The following TENT4B variants were observed in gnomAD, a reference collection of about 807,000 sequenced individuals.
TENT4B encodes terminal nucleotidyltransferase 4B.
Under a neutral mutation model 75.0 loss-of-function variants are expected in TENT4B, and 10 were observed. That is an observed-to-expected ratio of 0.13 (90% CI 0.08 to 0.23). TENT4B has a LOEUF of 0.23. Among genes scored for constraint, TENT4B ranks in the 10% least tolerant of loss-of-function variants. TENT4B has a pLI of 1.00. For missense variants in TENT4B, 579 were observed against 893.8 expected (o/e 0.65, Z 4.49); for synonymous variants, 350 against 357.7 (o/e 0.98, Z 0.24).
chr16:50,209,620 A>G (rs2031173073), intron 1 of TENT4B, among the ~76,000 whole-genome samples: 2 of 152,092 alleles, frequency 1.3e-5, no homozygotes, highest in South Asian at 4.1e-4. Flanking sequence ...ATCATCCTCT[A>G]CGAAAGGCCC....
At chr16:50,160,417 A>G (rs929413910) in intron 1 of TENT4B, among the ~76,000 whole-genome samples, 1 of 152,208 alleles carries the variant, frequency 6.6e-6, no homozygotes, top group Non-Finnish European at 1.5e-5. Context: ...GTCACACAAA[A>G]GGCTTACTAC....
intron 1 of TENT4B, among the ~76,000 whole-genome samples, chr16:50,194,688 C>A (rs1191787617): frequency 6.6e-6 from 1 of 151,800 alleles, no homozygotes; most frequent in Non-Finnish European, 1.5e-5. Flanking sequence ...CACCCCCACC[C>A]GCTCCTTTCC....
At chr16:50,159,243 TC>T (rs2037958733) in intron 1 of TENT4B, among the ~76,000 whole-genome samples, 1 of 122,746 alleles carries the variant, frequency 8.1e-6, no homozygotes, top group Admixed American at 1.0e-4. Context: ...TCTCTCTCTT[TC>T]TGTTTTTTTT....
chr16:50,195,814 A>G (rs2030195897), intron 1 of TENT4B, among the ~76,000 whole-genome samples: 1 of 152,248 alleles, frequency 6.6e-6, no homozygotes, highest in South Asian at 2.1e-4. Context: ...TGAGCTATAT[A>G]GTAGATCTCT....
At chr16:50,208,668 T>C (rs1034400456) in intron 1 of TENT4B, among the ~76,000 whole-genome samples, 2 of 152,206 alleles carry the variant, frequency 1.3e-5, no homozygotes, top group Non-Finnish European at 2.9e-5. Context: ...GCAAGGATCA[T>C]GTTTTATGAG....
intron 1 of TENT4B, among the ~76,000 whole-genome samples, chr16:50,209,945 G>C (rs6500301): frequency 0.97 from 148,321 of 152,298 alleles, 72,225 homozygotes; most frequent in East Asian, 1. Context: ...CCAGTTTTTC[G>C]AGCTTCCTGC....
At chr16:50,183,265 A>G (rs1259803546) in intron 1 of TENT4B, among the ~76,000 whole-genome samples, 1 of 151,756 alleles carries the variant, frequency 6.6e-6, no homozygotes, top group Non-Finnish European at 1.5e-5. Flanking sequence ...GCTGGTCTCA[A>G]ACTCCCGACC....
At chr16:50,159,526 C>T (rs1286456548) in intron 1 of TENT4B, among the ~76,000 whole-genome samples, 1 of 152,150 alleles carries the variant, frequency 6.6e-6, no homozygotes, top group Non-Finnish European at 1.5e-5. Flanking sequence ...AGGCATGAGC[C>T]ACCGCGCCCG....
chr16:50,221,268 A>G (rs1485163816), intron 5 of TENT4B, among the ~76,000 whole-genome samples: 1 of 152,192 alleles, frequency 6.6e-6, no homozygotes, highest in African/African-American at 2.4e-5. Flanking sequence ...GGAAATCACT[A>G]GTAATTTTAC....
At chr16:50,199,126 A>G (rs953871703) in intron 1 of TENT4B, among the ~76,000 whole-genome samples, 1 of 152,184 alleles carries the variant, frequency 6.6e-6, no homozygotes, top group Non-Finnish European at 1.5e-5. Flanking sequence ...CCAGGCTTCT[A>G]TTTTTATAGC....
At chr16:50,163,014 T>C (rs1361540229) in intron 1 of TENT4B, among the ~76,000 whole-genome samples, 3 of 152,194 alleles carry the variant, frequency 2.0e-5, no homozygotes, top group African/African-American at 7.2e-5. Context: ...TCTTCAAATC[T>C]ATCCTAGAAT....
Position 50,153,324 on chromosome 16 carries a change from C to T in TENT4B, c.-298C>T, listed in dbSNP as rs2037808255. ...GCTCGCTCTTCTGTGGAGCCGCCGC[C>T]GCCGCCGCCGCCATTTGCACGGGGA... On this transcript the variant is annotated 5_prime_UTR_variant, in exon 1 of 12. Coordinates refer to ENST00000561678, the MANE Select transcript of TENT4B (RefSeq NM_001365324.3). Among the ~76,000 whole-genome samples, 1 of 145,352 alleles carries T rather than the reference C, an allele frequency of 6.9e-6. No homozygotes were observed. The highest frequency in any genetic ancestry group is 1.5e-5 in the Non-Finnish European group (1 of 65,568).
intron 1 of TENT4B, among the ~76,000 whole-genome samples, chr16:50,154,541 C>A (rs1443625204): frequency 1.3e-5 from 2 of 151,838 alleles, no homozygotes; most frequent in Non-Finnish European, 2.9e-5. Context: ...AGGCCCCCCC[C>A]TTTATCCATT....
At chr16:50,193,085 C>G in intron 1 of TENT4B, among the ~76,000 whole-genome samples, 1 of 152,096 alleles carries the variant, frequency 6.6e-6, no homozygotes, top group East Asian at 1.9e-4. Flanking sequence ...TGAATGAATA[C>G]ATTATTAGCT....
At chr16:50,169,354 A>G (rs2038161888) in intron 1 of TENT4B, among the ~76,000 whole-genome samples, 2 of 138,056 alleles carry the variant, frequency 1.4e-5, no homozygotes, top group African/African-American at 2.6e-5. Context: ...GTAAATTTGT[A>G]ACTAGATCTA....
chr16:50,163,150 G>A (rs2038032185), intron 1 of TENT4B, among the ~76,000 whole-genome samples: 1 of 152,120 alleles, frequency 6.6e-6, no homozygotes, highest in African/African-American at 2.4e-5. Flanking sequence ...AGCACTGTCA[G>A]GTATTGTACA....
chr16:50,187,696 C>G (rs1466374017), intron 1 of TENT4B, among the ~76,000 whole-genome samples: 1 of 152,008 alleles, frequency 6.6e-6, no homozygotes, highest in Non-Finnish European at 1.5e-5. Flanking sequence ...TCTTGGTACC[C>G]TAGCTGAAGT....
chr16:50,153,117 C>A (rs1266114489), upstream of TENT4B: 26 of 1,099,470 alleles, frequency 2.4e-5, no homozygotes, highest in Non-Finnish European at 2.3e-5. Context: ...CTGTGACGCA[C>A]GGCGAGGCCT....
intron 1 of TENT4B, among the ~76,000 whole-genome samples, chr16:50,177,414 T>TA (rs531639606): frequency 9.8e-4 from 149 of 152,334 alleles, no homozygotes; most frequent in African/African-American, 3.3e-3. Context: ...CCTTAATAGA[T>TA]AAAGGTGCAT....
Sources: allele counts gnomAD v4.1 joint callset (sites outside exome capture counted in the v4.1 genomes callset), GRCh38; gene constraint gnomAD v4.1.1; transcripts MANE v1.5; gene names NCBI Gene and HGNC (gene_info 2026-07-23, HGNC 2026-07-21).